Variants in CNTNAP2 observed in about 807,000 individuals in gnomAD.
CNTNAP2 encodes contactin-associated protein-like 2.
Under a neutral mutation model 155.2 loss-of-function variants are expected in CNTNAP2, and 98 were observed. The ratio of observed to expected loss-of-function variants is 0.63; its 90% CI spans 0.54 to 0.75. The LOEUF is 0.75. Ranked by LOEUF, CNTNAP2 falls within the 30% of genes least tolerant of loss-of-function variation. The pLI, the probability that CNTNAP2 is intolerant of heterozygous loss-of-function variation, is 0.00. For synonymous variants in CNTNAP2, 651 were observed against 631.2 expected (o/e 1.03, Z -0.47); for missense variants, 1,727 against 1,688.1 (o/e 1.02, Z -0.40).
At chr7:146,207,722 G>C (rs1054120573) in intron 1 of CNTNAP2, among the ~76,000 whole-genome samples, 1 of 143,266 alleles carries the variant, frequency 7.0e-6, no homozygotes, top group Admixed American at 7.3e-5. Flanking sequence ...TCCAAATAAC[G>C]AAAGAGTGGA....
intron 3 of CNTNAP2, among the ~76,000 whole-genome samples, chr7:146,914,772 C>A (rs1017542524): frequency 6.6e-6 from 1 of 152,054 alleles, no homozygotes; most frequent in Non-Finnish European, 1.5e-5. Context: ...CTGATTATTT[C>A]TTTTGCTGTG....
chr7:146,719,344 C>A (rs980959508), intron 1 of CNTNAP2, among the ~76,000 whole-genome samples: 4 of 152,132 alleles, frequency 2.6e-5, no homozygotes, highest in Admixed American at 1.3e-4. Context: ...ACAATTTTAG[C>A]AAGTTTTAAT....
chr7:147,048,316 G>A (rs904834010), intron 4 of CNTNAP2, among the ~76,000 whole-genome samples: 1 of 152,066 alleles, frequency 6.6e-6, no homozygotes, highest in Non-Finnish European at 1.5e-5. Flanking sequence ...GGAACCAGAG[G>A]CTGTAGTGAT....
intron 18 of CNTNAP2, among the ~76,000 whole-genome samples, chr7:148,187,991 GTGCACACACA>G (rs763298302): frequency 1.3e-5 from 2 of 151,554 alleles, no homozygotes; most frequent in Non-Finnish European, 2.9e-5. Flanking sequence ...GCATACATGC[GTGCACACACA>G]TGCACACACA....
intron 1 of CNTNAP2, among the ~76,000 whole-genome samples, chr7:146,226,440 G>A (rs186710386): frequency 2.5e-4 from 38 of 152,148 alleles, no homozygotes; most frequent in Middle Eastern, 6.8e-3. Flanking sequence ...GGGAGGATCC[G>A]TTGAGCCCAG....
intron 18 of CNTNAP2, among the ~76,000 whole-genome samples, chr7:148,174,530 G>T (rs1270757763): frequency 6.6e-6 from 1 of 152,230 alleles, no homozygotes; most frequent in African/African-American, 2.4e-5. Flanking sequence ...CTTCCTTTGG[G>T]AGTATAGGTC....
chr7:146,743,596 T>C (rs1801757007), intron 1 of CNTNAP2, among the ~76,000 whole-genome samples: 1 of 152,180 alleles, frequency 6.6e-6, no homozygotes, highest in South Asian at 2.1e-4. Context: ...TAATGTGTCT[T>C]AAGTACTTGC....
chr7:146,929,026 A>T (rs897602712), intron 3 of CNTNAP2, among the ~76,000 whole-genome samples: 1 of 152,224 alleles, frequency 6.6e-6, no homozygotes, highest in Non-Finnish European at 1.5e-5. Flanking sequence ...ACAAACTAAA[A>T]GACAGCAGTA....
chr7:147,708,222 C>T (rs986737761), intron 13 of CNTNAP2, among the ~76,000 whole-genome samples: 1 of 152,184 alleles, frequency 6.6e-6, no homozygotes, highest in Non-Finnish European at 1.5e-5. Context: ...CTGGGAACAG[C>T]AGTCACTTGC....
chr7:146,643,101 T>G (rs867918332), intron 1 of CNTNAP2, among the ~76,000 whole-genome samples: 3 of 148,278 alleles, frequency 2.0e-5, no homozygotes, highest in Non-Finnish European at 4.5e-5. Context: ...TTCTCCCATT[T>G]TGTAGGTTGC....
At chr7:147,108,866 G>A (rs1800820063) in intron 5 of CNTNAP2, among the ~76,000 whole-genome samples, 1 of 152,104 alleles carries the variant, frequency 6.6e-6, no homozygotes, top group African/African-American at 2.4e-5. Flanking sequence ...AATTAGCCAT[G>A]AAAACATGAG....
intron 15 of CNTNAP2, among the ~76,000 whole-genome samples, chr7:148,115,566 A>G (rs960388604): frequency 2.6e-5 from 4 of 152,064 alleles, no homozygotes; most frequent in Admixed American, 6.5e-5. Flanking sequence ...CCTCATCTTT[A>G]TTCCCTCCCA....
chr7:147,004,249 A>C (rs1191304787), intron 3 of CNTNAP2, among the ~76,000 whole-genome samples: 1 of 151,232 alleles, frequency 6.6e-6, no homozygotes, highest in Non-Finnish European at 1.5e-5. Context: ...ACGGTAACAA[A>C]AATAACAAGA....
intron 3 of CNTNAP2, among the ~76,000 whole-genome samples, chr7:146,950,695 G>C (rs1424409264): frequency 1.3e-5 from 2 of 152,026 alleles, no homozygotes; most frequent in Non-Finnish European, 2.9e-5. Context: ...GTCTATCATT[G>C]ATGGGGATCT....
intron 20 of CNTNAP2, among the ~76,000 whole-genome samples, chr7:148,251,807 A>T (rs1344047263): frequency 6.6e-6 from 1 of 152,144 alleles, no homozygotes; most frequent in East Asian, 1.9e-4. Context: ...ATCCAGTCAC[A>T]TGTTCTTCCT....
chr7:147,485,954 G>A lies in CNTNAP2; in HGVS notation c.1690G>A (p.Glu564Lys). ...TGACAGATGTGTGCCCAATCACTGT[G>A]AGCATGGTGGAAAGTGCTCGCAAAC... Reference protein sequence around the residue: ...IIDRCVPNHCEHGGKCSQTWD... With the variant: ...IIDRCVPNHCKHGGKCSQTWD... The change falls in exon 11 of 24, where the codon GAG (glutamate) becomes AAG (lysine). Residue 564 changes from glutamate (E) to lysine (K), a missense_variant. Physicochemically the swap from Glu to Lys is moderately conservative, Grantham distance 56. Coordinates refer to ENST00000361727, the MANE Select transcript of CNTNAP2 (RefSeq NM_014141.6). 1 of 1,614,036 alleles carries A rather than the reference G, an allele frequency of 6.2e-7. No homozygotes were observed. Among genetic ancestry groups the A allele is most frequent in the South Asian group, 1.1e-5 (1 of 91,068 alleles).
chr7:148,329,406 G>GCC (rs1797946882), intron 21 of CNTNAP2, among the ~76,000 whole-genome samples: 2 of 152,128 alleles, frequency 1.3e-5, no homozygotes, highest in South Asian at 4.1e-4. Context: ...GTCACGGACA[G>GCC]CCCCCTGTGG....
intron 1 of CNTNAP2, among the ~76,000 whole-genome samples, chr7:146,206,712 A>G (rs966892624): frequency 6.6e-6 from 1 of 151,988 alleles, no homozygotes; most frequent in Non-Finnish European, 1.5e-5. Context: ...GAAATACACA[A>G]CTTATTAAAA....
intron 3 of CNTNAP2, among the ~76,000 whole-genome samples, chr7:146,918,567 T>C (rs550080780): frequency 6.6e-5 from 10 of 152,358 alleles, no homozygotes. Flanking sequence ...CTGATAGGTT[T>C]TCCTTTATAG....
Sources: gnomAD v4.1 joint callset for allele counts (sites outside exome capture counted in the v4.1 genomes callset) on GRCh38, gnomAD v4.1.1 for gene constraint, MANE v1.5 for transcripts, NCBI Gene and HGNC (gene_info 2026-07-23, HGNC 2026-07-21) for gene names.